The following ATAD2B variants were observed in gnomAD, a reference collection of about 807,000 sequenced individuals.
ATAD2B encodes ATPase family AAA domain containing 2B.
In ATAD2B, 40 loss-of-function variants were observed where a neutral mutation model predicts 167.6. That is an observed-to-expected ratio of 0.24 (90% CI 0.19 to 0.31). The LOEUF (loss-of-function observed/expected upper bound fraction) is 0.31, where lower values mean the gene tolerates loss of function less well. ATAD2B is among the 10% of genes least tolerant of loss of function. The pLI is 1.00. For missense variants in ATAD2B, 1,242 were observed against 1,757.2 expected, an observed-to-expected ratio of 0.71 and a Z score of 5.24; for synonymous variants, 579 against 596.5, an observed-to-expected ratio of 0.97 and a Z score of 0.43.
At chr2:23,822,907 A>G in intron 16 of ATAD2B, among the ~76,000 whole-genome samples, 1 of 128,762 alleles carries the variant, frequency 7.8e-6, no homozygotes, top group Non-Finnish European at 1.6e-5. Context: ...ACAAGAGCGA[A>G]ACTCCATCTC....
the ATAD2B span, among the ~76,000 whole-genome samples, chr2:23,724,257 TAGA>T: frequency 1.1e-4 from 16 of 152,210 alleles, no homozygotes; most frequent in Non-Finnish European, 1.8e-4. Context: ...TTCAAATAGC[TAGA>T]AGAATAATGA....
the ATAD2B span, among the ~76,000 whole-genome samples, chr2:23,717,142 A>G: frequency 2.0e-5 from 3 of 152,226 alleles, no homozygotes; most frequent in African/African-American, 7.2e-5. Context: ...CTGGAACTCC[A>G]AATCCCAAGT....
At chr2:23,898,868 G>A (rs996931177) in intron 1 of ATAD2B, among the ~76,000 whole-genome samples, 2 of 152,258 alleles carry the variant, frequency 1.3e-5, no homozygotes, top group East Asian at 1.9e-4. Flanking sequence ...AATTAGTTAA[G>A]TCAGGGGCAG....
Position 23,926,984 on chromosome 2 carries a change from GCAGA to G in ATAD2B, c.-218_-215del. On this transcript the variant is annotated 5_prime_UTR_variant, in exon 1 of 28. Transcript: ENST00000238789. ...GCGTGCGGGAAGCGGGGGCGGTGCT[GCAGA>G]CCGGCAGCACAGACACTCCGCCGGC... 1 of 555,562 alleles carries G rather than the reference GCAGA, an allele frequency of 1.8e-6. No individual in the cohort carries two copies. Among genetic ancestry groups the G allele is most frequent in the African/African-American group, 2.0e-5 (1 of 49,794 alleles). 34.4% of individuals were successfully genotyped at this position (555,562 alleles called of 1,614,324 possible).
chr2:23,737,362 G>T, the ATAD2B span, among the ~76,000 whole-genome samples: 6 of 152,242 alleles, frequency 3.9e-5, no homozygotes, highest in Non-Finnish European at 1.5e-5. Context: ...CCAGAGGAAC[G>T]ATCAGGCAGC....
intron 19 of ATAD2B, among the ~76,000 whole-genome samples, chr2:23,796,460 T>C (rs1682635188): frequency 6.6e-6 from 1 of 152,160 alleles, no homozygotes; most frequent in African/African-American, 2.4e-5. Context: ...CATATGCATA[T>C]GGGCAACAGA....
At chr2:23,798,790 C>A (rs1683005759) in intron 18 of ATAD2B, among the ~76,000 whole-genome samples, 1 of 152,132 alleles carries the variant, frequency 6.6e-6, no homozygotes, top group Non-Finnish European at 1.5e-5. Flanking sequence ...ATCATTTTAA[C>A]CAAGATGTAC....
chr2:23,686,521 C>A, the ATAD2B span, among the ~76,000 whole-genome samples: 1 of 152,062 alleles, frequency 6.6e-6, no homozygotes, highest in Non-Finnish European at 1.5e-5. Flanking sequence ...GGGGGATGGG[C>A]AGAGGATGGG....
chr2:23,826,044 A>G (rs1012445107), intron 15 of ATAD2B, among the ~76,000 whole-genome samples: 2 of 152,192 alleles, frequency 1.3e-5, no homozygotes, highest in African/African-American at 4.8e-5. Flanking sequence ...TTACCAGTTT[A>G]TATCTGTGGT....
intron 24 of ATAD2B, among the ~76,000 whole-genome samples, chr2:23,760,663 C>G (rs1397101175): frequency 7.8e-6 from 1 of 128,642 alleles, no homozygotes; most frequent in Non-Finnish European, 1.7e-5. Flanking sequence ...GACTCTGTCT[C>G]AAGAAAAAAA....
chr2:23,863,251 G>A, intron 12 of ATAD2B, 130 bp downstream of exon 12: 1 of 858,752 alleles, frequency 1.2e-6, no homozygotes, highest in Non-Finnish European at 1.7e-6. Flanking sequence ...CAAGACAGTA[G>A]TGAGACGAGA....
chr2:23,715,037 T>C, the ATAD2B span, among the ~76,000 whole-genome samples: 4 of 152,186 alleles, frequency 2.6e-5, no homozygotes, highest in South Asian at 8.3e-4. Flanking sequence ...AAAAATCCAA[T>C]AAACACACCT....
chr2:23,823,317 A>G lies in ATAD2B; in HGVS notation c.2072T>C (p.Leu691Pro), dbSNP rs1687755440. Residue 691 changes from leucine to proline, a missense_variant, in exon 16 of 28, where the codon CTA becomes CCA. Around this residue, in one of 9 missense-constraint regions of ATAD2B, gnomAD observed 145 missense variants for 181.9 expected, o/e 0.80. Transcript: ENST00000238789. ...AGGAAACACTTTTTGCAAGACTGCT[A>G]GGATGTTGTTGAAGCTTCTTTCCAG... ...PLLERSFNNI[L>P]AVLQKVFPHA... The G allele has an allele frequency of 6.2e-7, 1 of 1,613,628 alleles. No individual in the cohort carries two copies. The highest frequency in any genetic ancestry group is 8.5e-7 in the Non-Finnish European group (1 of 1,179,776).
chr2:23,855,481 C>T (rs1032872586), intron 13 of ATAD2B, among the ~76,000 whole-genome samples: 3 of 152,146 alleles, frequency 2.0e-5, no homozygotes, highest in Admixed American at 2.0e-4. Context: ...CTCAAATTAT[C>T]ATACGTTATA....
At chr2:23,691,451 G>A in the ATAD2B span, 5 of 591,836 alleles carry the variant, frequency 8.4e-6, no homozygotes, top group Middle Eastern at 4.5e-4. Context: ...TGGACATGCC[G>A]AGTAGTGATA....
intron 23 of ATAD2B, among the ~76,000 whole-genome samples, chr2:23,764,583 C>A (rs143848130): frequency 4.7e-4 from 72 of 152,268 alleles, no homozygotes; most frequent in African/African-American, 1.7e-3. Context: ...ACAAGACATT[C>A]AAAGTGCTGA....
intron 17 of ATAD2B, 98 bp downstream of exon 17, chr2:23,819,649 C>T (rs1469679647): frequency 1.0e-6 from 1 of 954,908 alleles, no homozygotes; most frequent in South Asian, 2.5e-5. Flanking sequence ...AAACAATATC[C>T]TCACAGTTAT....
the ATAD2B span, among the ~76,000 whole-genome samples, chr2:23,730,665 CAAA>C: frequency 5.9e-4 from 19 of 31,982 alleles, no homozygotes; most frequent in South Asian, 0.021. Flanking sequence ...GACTCCGTTT[CAAA>C]AAAAAAAAAA....
chr2:23,754,852 T>C (rs1572626772), intron 25 of ATAD2B, 78 bp from the exon 26 acceptor site: 1 of 1,407,056 alleles, frequency 7.1e-7, no homozygotes, highest in Non-Finnish European at 9.7e-7. Flanking sequence ...TAAATTCTTT[T>C]ACCTACCACA....
Sources: gnomAD v4.1 joint callset for allele counts (sites outside exome capture counted in the v4.1 genomes callset) on GRCh38, gnomAD v4.1.1 for gene constraint, gnomAD v4.1.1 regional missense constraint, MANE v1.5 for transcripts, NCBI Gene and HGNC (gene_info 2026-07-23, HGNC 2026-07-21) for gene names.